TMEM132D: variants seen among roughly 807,000 people sequenced by gnomAD.
TMEM132D encodes mature OL transmembrane protein.
A neutral mutation model predicts 62.3 loss-of-function variants in TMEM132D; 21 were observed. The observed-to-expected ratio is 0.34, with a 90% confidence interval of 0.24 to 0.49. The LOEUF (loss-of-function observed/expected upper bound fraction) is 0.49. Among genes scored for constraint, TMEM132D ranks in the 20% least tolerant of loss-of-function variants. The pLI, the probability that TMEM132D is intolerant of heterozygous loss-of-function variation, is 0.99. For missense variants in TMEM132D, 1,346 were observed against 1,402.8 expected, an observed-to-expected ratio of 0.96 and a Z score of 0.65; for synonymous variants, 621 against 575.6, an observed-to-expected ratio of 1.08 and a Z score of -1.13.
intron 2 of TMEM132D, among the ~76,000 whole-genome samples, chr12:129,578,148 C>A (rs1213239227): frequency 6.6e-6 from 1 of 152,036 alleles, no homozygotes; most frequent in Non-Finnish European, 1.5e-5. Flanking sequence ...ACCGGTGCAT[C>A]CTCTTCTCCC....
rs4964878 is a variant in TMEM132D, at chr12:129,121,978, C to T, written c.1444-37276G>A. 6.6e-5 allele frequency among the ~76,000 whole-genome samples: 10 copies of T among 152,102 alleles called. No homozygotes were observed. In the East Asian group the frequency reaches 1.9e-3, roughly 30 times the overall value. ...ATGAAAATGGGCAGGTTGAGGGAGA[C>T]GAGATGGATGGCAGGCTCATGGAAG... is the stretch of plus-strand genomic sequence containing the variant. On this transcript the variant is annotated intron_variant, in intron 5 of 8. Transcript: ENST00000422113.
At chr12:129,734,585 C>A (rs963286873) in intron 1 of TMEM132D, among the ~76,000 whole-genome samples, 14 of 152,140 alleles carry the variant, frequency 9.2e-5, no homozygotes, top group Non-Finnish European at 1.6e-4. Context: ...CCCATAAATT[C>A]AACCAAAAGC....
At chr12:129,182,701 T>A (rs78236131) in intron 5 of TMEM132D, among the ~76,000 whole-genome samples, 1,747 of 152,336 alleles carry the variant, frequency 0.011, 35 homozygotes, top group African/African-American at 0.04. Context: ...TTCCCAGAAA[T>A]ACTTGGGATG....
At chr12:129,617,637 C>T (rs143155803) in intron 2 of TMEM132D, among the ~76,000 whole-genome samples, 15 of 152,194 alleles carry the variant, frequency 9.9e-5, no homozygotes, top group East Asian at 5.8e-4. Flanking sequence ...CAGGTGCCAT[C>T]GATGAACCAG....
intron 3 of TMEM132D, among the ~76,000 whole-genome samples, chr12:129,513,329 C>G (rs954274686): frequency 3.9e-5 from 6 of 152,174 alleles, no homozygotes; most frequent in African/African-American, 1.4e-4. Context: ...CTACCATGAG[C>G]ACAGCACTCA....
intron 2 of TMEM132D, among the ~76,000 whole-genome samples, chr12:129,669,714 AAAT>A (rs1880458200): frequency 1.3e-5 from 2 of 148,846 alleles, no homozygotes; most frequent in Admixed American, 1.3e-4. Flanking sequence ...CAAGAAATAA[AAAT>A]AAATAAATAA....
At chr12:129,309,698 T>C (rs970900281) in intron 4 of TMEM132D, among the ~76,000 whole-genome samples, 1 of 151,972 alleles carries the variant, frequency 6.6e-6, no homozygotes, top group African/African-American at 2.4e-5. Flanking sequence ...GAGCAAGGTG[T>C]CGTATAGATA....
At chr12:129,695,911 C>A (rs1453986308) in intron 2 of TMEM132D, among the ~76,000 whole-genome samples, 1 of 152,172 alleles carries the variant, frequency 6.6e-6, no homozygotes, top group East Asian at 1.9e-4. Flanking sequence ...CCAGTAAACC[C>A]TTTTATTTAT....
In TMEM132D at chr12:129,125,499, A is replaced by ATTTTTTTTTTTT. The variant is rs1565972138; in HGVS notation, c.1444-40798_1444-40797insAAAAAAAAAAAA. Among the ~76,000 whole-genome samples the ATTTTTTTTTTTT allele has an allele frequency of 4.7e-5, 6 of 127,834 alleles. 3 individuals carry two copies. The highest frequency in any genetic ancestry group is 1.2e-4 in the African/African-American group (4 of 33,240). 83.9% of individuals were successfully genotyped at this position (127,834 alleles called of 152,430 possible). On this transcript the variant is annotated intron_variant, in intron 5 of 8. Transcript: ENST00000422113. ...GATGTGACGATGTCGAATTACTATG[A>ATTTTTTTTTTTT]GTTTTTTTTTTTTTTTTTTTTTTGA... is the stretch of plus-strand genomic sequence containing the variant.
intron 2 of TMEM132D, among the ~76,000 whole-genome samples, chr12:129,554,313 C>A (rs4759966): frequency 0.86 from 131,592 of 152,150 alleles, 56,993 homozygotes; most frequent in East Asian, 0.99. Flanking sequence ...ATTTGAACCA[C>A]AAGGCACTAA....
At chr12:129,534,282 G>T (rs11060411) in intron 2 of TMEM132D, among the ~76,000 whole-genome samples, 33,548 of 151,984 alleles carry the variant, frequency 0.22, 4,007 homozygotes, top group Non-Finnish European at 0.25. Context: ...TATCTACCAT[G>T]GTGATGGGGG....
At chr12:129,676,808 C>A in intron 2 of TMEM132D, among the ~76,000 whole-genome samples, 1 of 151,532 alleles carries the variant, frequency 6.6e-6, no homozygotes, top group Non-Finnish European at 1.5e-5. Flanking sequence ...AATCTATCAT[C>A]ATCTATCTAT....
At chr12:129,659,082 T>C (rs1342958264) in intron 2 of TMEM132D, among the ~76,000 whole-genome samples, 1 of 151,876 alleles carries the variant, frequency 6.6e-6, no homozygotes, top group East Asian at 1.9e-4. Context: ...TTTTTTGTTG[T>C]TTGTTTGTTT....
chr12:129,212,512 G>A (rs1463121435), intron 4 of TMEM132D: 1 of 152,230 alleles, frequency 6.6e-6, no homozygotes, highest in Non-Finnish European at 1.5e-5. Context: ...TACCTGTAAA[G>A]CCTTAGCTTT....
At chr12:129,445,421 C>T (rs1165059449) in intron 3 of TMEM132D, among the ~76,000 whole-genome samples, 1 of 152,074 alleles carries the variant, frequency 6.6e-6, no homozygotes, top group African/African-American at 2.4e-5. Context: ...TACAAGTTTA[C>T]CTATCCTGCA....
chr12:129,488,167 A>G (rs1874647995), intron 3 of TMEM132D, among the ~76,000 whole-genome samples: 1 of 152,046 alleles, frequency 6.6e-6, no homozygotes, highest in African/African-American at 2.4e-5. Flanking sequence ...CAGAACACTC[A>G]GAAATAAGTT....
intron 5 of TMEM132D, among the ~76,000 whole-genome samples, chr12:129,180,780 C>CT (rs57752946): frequency 0.48 from 72,889 of 151,666 alleles, 17,641 homozygotes; most frequent in East Asian, 0.63. Flanking sequence ...CTTGTCTTCT[C>CT]TTCATCAGGA....
chr12:129,492,177 A>T (rs1253928662), intron 3 of TMEM132D, among the ~76,000 whole-genome samples: 1 of 152,216 alleles, frequency 6.6e-6, no homozygotes, highest in African/African-American at 2.4e-5. Context: ...AGTTAAAATT[A>T]GTACAGAAAA....
At chr12:129,477,752 C>T (rs1013017132) in intron 3 of TMEM132D, among the ~76,000 whole-genome samples, 13 of 151,752 alleles carry the variant, frequency 8.6e-5, no homozygotes, top group South Asian at 2.1e-4. Context: ...ACCTGGGAGG[C>T]GGAACTTGCA....
Sources: gnomAD v4.1 joint callset for allele counts (sites outside exome capture counted in the v4.1 genomes callset) on GRCh38, gnomAD v4.1.1 for gene constraint, MANE v1.5 for transcripts, NCBI Gene and HGNC (gene_info 2026-07-23, HGNC 2026-07-21) for gene names.